Variants in TASP1 observed in about 807,000 individuals in gnomAD.
The protein encoded by TASP1 is threonine aspartase 1.
Under a neutral mutation model 56.6 loss-of-function variants are expected in TASP1, and 16 were observed. That is an observed-to-expected ratio of 0.28 (90% CI 0.19 to 0.43). TASP1 has a LOEUF of 0.43. Among genes scored for constraint, TASP1 ranks in the 20% least tolerant of loss-of-function variants. The pLI, the probability that TASP1 is intolerant of heterozygous loss-of-function variation, is 1.00. For missense variants in TASP1, 393 were observed against 511.6 expected, an observed-to-expected ratio of 0.77 and a Z score of 2.24; for synonymous variants, 179 against 184.2, an observed-to-expected ratio of 0.97 and a Z score of 0.23.
At chr20:13,120,654 T>C in the TASP1 span, among the ~76,000 whole-genome samples, 1 of 152,180 alleles carries the variant, frequency 6.6e-6, no homozygotes, top group Non-Finnish European at 1.5e-5. Context: ...AGATGAGACA[T>C]GTAATGAAAC....
At chr20:13,363,952 C>T in the TASP1 span, among the ~76,000 whole-genome samples, 348 of 152,074 alleles carry the variant, frequency 2.3e-3, no homozygotes, top group East Asian at 0.02. Flanking sequence ...AAACTACTTA[C>T]GCAATTTATC....
chr20:13,374,995 T>C, the TASP1 span, among the ~76,000 whole-genome samples: 1 of 152,218 alleles, frequency 6.6e-6, no homozygotes, highest in Admixed American at 6.5e-5. Context: ...CACTAATTGT[T>C]CTATTGTTTT....
the TASP1 span, among the ~76,000 whole-genome samples, chr20:13,298,309 G>A: frequency 6.6e-6 from 1 of 152,106 alleles, no homozygotes; most frequent in South Asian, 2.1e-4. Flanking sequence ...GTTTCACCTT[G>A]TTGGCCAGGC....
chr20:13,591,616 C>T (rs780018938), intron 4 of TASP1, among the ~76,000 whole-genome samples: 14 of 152,140 alleles, frequency 9.2e-5, no homozygotes, highest in African/African-American at 1.2e-4. Flanking sequence ...AAAGACACCA[C>T]ATGTAAATCT....
intron 4 of TASP1, among the ~76,000 whole-genome samples, chr20:13,592,768 T>C (rs6134928): frequency 0.15 from 22,752 of 152,118 alleles, 1,752 homozygotes; most frequent in East Asian, 0.22. Context: ...GACATGCTTC[T>C]CTTTTTCTAG....
chr20:13,129,748 C>A, the TASP1 span, among the ~76,000 whole-genome samples: 1 of 152,218 alleles, frequency 6.6e-6, no homozygotes, highest in East Asian at 1.9e-4. Flanking sequence ...AGTGGAAGAT[C>A]TGCAGAAAGA....
At chr20:13,493,643 C>G (rs1321324593) in intron 10 of TASP1, among the ~76,000 whole-genome samples, 1 of 152,136 alleles carries the variant, frequency 6.6e-6, no homozygotes. Context: ...GACTGAGCCA[C>G]TACTGGATTC....
At chr20:13,477,451 A>C (rs2042985575) in intron 11 of TASP1, among the ~76,000 whole-genome samples, 1 of 152,152 alleles carries the variant, frequency 6.6e-6, no homozygotes, top group African/African-American at 2.4e-5. Context: ...TATATTTAGT[A>C]ATAAACAGAA....
Position 13,629,921 on chromosome 20 carries a change from C to T in TASP1, c.145+13G>A. ...ACATTATTGGCATCTTCCAAGCCAT[C>T]CACAAAGCTTACCTGCATGCACCAA... On this transcript the variant is annotated intron_variant, in intron 2 of 13. Coordinates refer to ENST00000337743, the MANE Select transcript of TASP1 (RefSeq NM_017714.3). 1 of 1,613,202 alleles carries T rather than the reference C, an allele frequency of 6.2e-7. No individual in the cohort carries two copies. The highest frequency in any genetic ancestry group is 2.2e-5 in the East Asian group (1 of 44,812).
chr20:13,358,125 G>C, the TASP1 span, among the ~76,000 whole-genome samples: 1 of 151,930 alleles, frequency 6.6e-6, no homozygotes, highest in African/African-American at 2.4e-5. Flanking sequence ...TGAGCACCTT[G>C]CGACCCTCAC....
chr20:13,108,869 C>T, the TASP1 span, among the ~76,000 whole-genome samples: 1 of 152,184 alleles, frequency 6.6e-6, no homozygotes, highest in Admixed American at 6.5e-5. Flanking sequence ...GCCTGGTGAA[C>T]ATTGCATAAC....
intron 11 of TASP1, among the ~76,000 whole-genome samples, chr20:13,455,113 A>G (rs1016558738): frequency 6.6e-6 from 1 of 152,152 alleles, no homozygotes. Context: ...CCTTCTTAAA[A>G]AAACAGGGAA....
intron 4 of TASP1, among the ~76,000 whole-genome samples, chr20:13,591,312 T>C (rs1196619033): frequency 6.6e-6 from 1 of 152,024 alleles, no homozygotes; most frequent in Admixed American, 6.6e-5. Flanking sequence ...ATCAAAATGC[T>C]GAAAACCAGC....
chr20:13,395,382 T>C (rs928679028), intron 13 of TASP1, among the ~76,000 whole-genome samples: 1 of 152,248 alleles, frequency 6.6e-6, no homozygotes. Context: ...GAAACAGATA[T>C]CTGTTTCCAC....
At chr20:13,311,184 A>G in the TASP1 span, among the ~76,000 whole-genome samples, 1 of 151,934 alleles carries the variant, frequency 6.6e-6, no homozygotes, top group Admixed American at 6.6e-5. Flanking sequence ...ACAAGAGTGA[A>G]ACTCCATCTC....
the TASP1 span, among the ~76,000 whole-genome samples, chr20:13,249,678 G>T: frequency 2.0e-5 from 3 of 152,220 alleles, no homozygotes; most frequent in Non-Finnish European, 4.4e-5. Context: ...AGGCTCTGGT[G>T]GTTCGAGTGG....
chr20:13,619,327 C>T (rs895372286), intron 4 of TASP1, among the ~76,000 whole-genome samples: 1 of 152,188 alleles, frequency 6.6e-6, no homozygotes, highest in Non-Finnish European at 1.5e-5. Flanking sequence ...AGTTTTCTCA[C>T]AAAAGATTAT....
chr20:13,206,249 T>C, the TASP1 span, among the ~76,000 whole-genome samples: 1 of 152,148 alleles, frequency 6.6e-6, no homozygotes, highest in Non-Finnish European at 1.5e-5. Context: ...ACACACTTGG[T>C]GGCATCTTCC....
At chr20:13,405,799 G>C (rs1337140066) in intron 13 of TASP1, among the ~76,000 whole-genome samples, 3 of 149,386 alleles carry the variant, frequency 2.0e-5, no homozygotes, top group African/African-American at 7.5e-5. Flanking sequence ...CTTGTGATCT[G>C]CCCGCCTCAG....
Sources: allele counts gnomAD v4.1 joint callset (sites outside exome capture counted in the v4.1 genomes callset), GRCh38; gene constraint gnomAD v4.1.1; transcripts MANE v1.5; gene names NCBI Gene and HGNC (gene_info 2026-07-23, HGNC 2026-07-21).